ZNF10: variants seen among roughly 807,000 people sequenced by gnomAD.
ZNF10 encodes the protein zinc finger protein 10.
ZNF10 carries 8 observed loss-of-function variants against 12.2 expected under a neutral mutation model. That is an observed-to-expected ratio of 0.66 (90% CI 0.39 to 1.18). ZNF10 has a LOEUF of 1.18. ZNF10 is among the 50% of genes most tolerant of loss of function. The pLI, the probability that ZNF10 is intolerant of heterozygous loss-of-function variation, is 0.01. For missense variants in ZNF10, 603 were observed against 678.9 expected, an observed-to-expected ratio of 0.89 and a Z score of 1.24; for synonymous variants, 229 against 228.2, an observed-to-expected ratio of 1.00 and a Z score of -0.03.
intron 4 of ZNF10, among the ~76,000 whole-genome samples, chr12:133,154,076 C>G (rs1956024492): frequency 6.6e-6 from 1 of 150,634 alleles, no homozygotes. Context: ...TGGTCATATT[C>G]TGAGATACTG....
chr12:133,135,714 T>C (rs1489090356), intron 1 of ZNF10, among the ~76,000 whole-genome samples: 2 of 152,244 alleles, frequency 1.3e-5, no homozygotes, highest in African/African-American at 4.8e-5. Flanking sequence ...CCTTGACTCA[T>C]GTCTATACCA....
chr12:133,140,391 AAAAG>A (rs1955938261), intron 1 of ZNF10, among the ~76,000 whole-genome samples: 3 of 151,110 alleles, frequency 2.0e-5, no homozygotes, highest in African/African-American at 4.9e-5. Flanking sequence ...GAAAAAAAAG[AAAAG>A]AAAGACACTT....
intron 4 of ZNF10, among the ~76,000 whole-genome samples, chr12:133,154,121 G>GC (rs1375160294): frequency 2.6e-5 from 4 of 151,628 alleles, no homozygotes; most frequent in African/African-American, 9.7e-5. Flanking sequence ...TTTGTCGGCG[G>GC]GGGGGATACA....
intron 2 of ZNF10, among the ~76,000 whole-genome samples, chr12:133,148,975 C>A (rs1955992353): frequency 6.6e-6 from 1 of 152,008 alleles, no homozygotes; most frequent in Non-Finnish European, 1.5e-5. Context: ...TGGTCTGGAA[C>A]CCCCGACCTC....
chr12:133,154,329 A>G (rs1956026495), intron 4 of ZNF10, among the ~76,000 whole-genome samples: 1 of 152,192 alleles, frequency 6.6e-6, no homozygotes, highest in South Asian at 2.1e-4. Context: ...CTAAGAGCGT[A>G]TGGGTCAGGC....
chr12:133,143,375 T>G (rs1955957500), intron 1 of ZNF10: 2 of 151,848 alleles, frequency 1.3e-5, no homozygotes, highest in Admixed American at 1.3e-4. Flanking sequence ...AAAAATTATA[T>G]AATATACCAA....
chr12:133,145,545 C>T (rs938196869), intron 2 of ZNF10, among the ~76,000 whole-genome samples: 3 of 152,122 alleles, frequency 2.0e-5, no homozygotes, highest in African/African-American at 7.2e-5. Context: ...TGCGGTGGCT[C>T]ATACCTATAA....
At chr12:133,149,018 C>G (rs1955992614) in intron 2 of ZNF10, among the ~76,000 whole-genome samples, 1 of 152,074 alleles carries the variant, frequency 6.6e-6, no homozygotes, top group Admixed American at 6.5e-5. Context: ...TCCCAAAGTT[C>G]TGGGATTACA....
intron 2 of ZNF10, among the ~76,000 whole-genome samples, chr12:133,147,357 G>A (rs1406773879): frequency 6.6e-6 from 1 of 152,176 alleles, no homozygotes; most frequent in African/African-American, 2.4e-5. Flanking sequence ...TAGCATTTTT[G>A]CATTCTCACA....
chr12:133,133,889 C>G (rs2137637020), intron 1 of ZNF10, among the ~76,000 whole-genome samples: 1 of 152,190 alleles, frequency 6.6e-6, no homozygotes, highest in South Asian at 2.1e-4. Flanking sequence ...AATATTTTAC[C>G]TTATACTGCA....
intron 1 of ZNF10, among the ~76,000 whole-genome samples, chr12:133,140,202 C>CAAAAA (rs67577219): frequency 8.2e-4 from 29 of 35,204 alleles, no homozygotes; most frequent in East Asian, 2.0e-3. Context: ...GACCCTGTCT[C>CAAAAA]AAAAAAAAAA....
Position 133,156,967 on chromosome 12 carries a change from A to G in ZNF10, c.1721A>G (p.Ter574=). 3 of 1,413,234 alleles carry G rather than the reference A, an allele frequency of 2.1e-6. No homozygotes were observed. Among genetic ancestry groups the G allele is most frequent in the South Asian group, 2.0e-5 (1 of 49,864 alleles). The allele number at this position is 1,413,234 out of a possible 1,614,324, so 87.5% of individuals were successfully genotyped here. ...QTNHIRENAY[*] ...AATCATATTAGAGAAAATGCTTACT[A>G]ATAAATATGGGAATTTTTCACAAAG... The change falls in exon 5 of 5, where the codon TAA becomes TGA. Residue 574 remains the stop codon, a stop_retained_variant. Transcript: ENST00000248211.
At chr12:133,148,933 G>T (rs948838615) in intron 2 of ZNF10, among the ~76,000 whole-genome samples, 1 of 151,522 alleles carries the variant, frequency 6.6e-6, no homozygotes, top group Non-Finnish European at 1.5e-5. Flanking sequence ...TGTATTTTTA[G>T]TAGAGACAGG....
In ZNF10 at chr12:133,155,496, C is replaced by T. The variant is rs779184282; in HGVS notation, c.257-7C>T. The T allele has an allele frequency of 3.1e-5, 48 of 1,565,394 alleles. No individual in the cohort carries two copies. The South Asian group carries it at 5.4e-4, about 18-fold the overall frequency. ...TTAGTTACACAAACATTTTTCATTT[C>T]TTTCAGATTCAGAGACTGCATTTGA... is the stretch of plus-strand genomic sequence containing the variant. On this transcript the variant is annotated splice_polypyrimidine_tract_variant and splice_region_variant and intron_variant, in intron 4 of 4. Coordinates refer to ENST00000248211, the MANE Select transcript of ZNF10 (RefSeq NM_015394.5).
chr12:133,136,483 A>G (rs1479696230), intron 1 of ZNF10, among the ~76,000 whole-genome samples: 1 of 152,114 alleles, frequency 6.6e-6, no homozygotes, highest in East Asian at 1.9e-4. Context: ...AGTTCTCTTT[A>G]TCTGGAGGTT....
chr12:133,148,084 A>G (rs1268873957), intron 2 of ZNF10, among the ~76,000 whole-genome samples: 4 of 152,036 alleles, frequency 2.6e-5, no homozygotes, highest in African/African-American at 7.2e-5. Flanking sequence ...AAATATTTTT[A>G]GTTTTGGTGA....
intron 1 of ZNF10, among the ~76,000 whole-genome samples, chr12:133,131,327 A>G (rs2137634060): frequency 6.6e-6 from 1 of 151,544 alleles, no homozygotes; most frequent in South Asian, 2.1e-4. Context: ...TTTTCCCTTG[A>G]CACTAGATAT....
intron 2 of ZNF10, among the ~76,000 whole-genome samples, chr12:133,147,114 C>T (rs1955981190): frequency 6.6e-6 from 1 of 152,184 alleles, no homozygotes. Context: ...AGTAGATTTA[C>T]ACTGTGTGGC....
chr12:133,149,793 C>T (rs1456767587), intron 2 of ZNF10, among the ~76,000 whole-genome samples: 6 of 151,468 alleles, frequency 4.0e-5, no homozygotes, highest in Non-Finnish European at 1.5e-5. Context: ...TATATCTTTT[C>T]CCCCTTCTTA....
Sources: gnomAD v4.1 joint callset for allele counts (sites outside exome capture counted in the v4.1 genomes callset) on GRCh38, gnomAD v4.1.1 for gene constraint, MANE v1.5 for transcripts, NCBI Gene and HGNC (gene_info 2026-07-23, HGNC 2026-07-21) for gene names.